Variants in EVC observed in about 807,000 individuals in gnomAD.
EVC encodes evC complex member EVC.
EVC carries 116 observed loss-of-function variants against 118.9 expected under a neutral mutation model. The ratio of observed to expected loss-of-function variants is 0.98; its 90% CI spans 0.84 to 1.14. The LOEUF (loss-of-function observed/expected upper bound fraction) is 1.14. Among genes scored for constraint, EVC ranks in the 50% most tolerant of loss-of-function variants. The pLI is 0.00. For synonymous variants in EVC, 619 were observed against 534.7 expected (o/e 1.16, Z -2.18); for missense variants, 1,401 against 1,246.4 (o/e 1.12, Z -1.87).
intron 7 of EVC, among the ~76,000 whole-genome samples, chr4:5,745,853 ATGGCCC>A (rs1729288866): frequency 6.6e-6 from 1 of 152,190 alleles, no homozygotes; most frequent in Non-Finnish European, 1.5e-5. Context: ...TCATTTAGAC[ATGGCCC>A]TGCCTGAGAG....
chr4:5,788,030 C>T (rs1043635947), intron 12 of EVC, among the ~76,000 whole-genome samples: 26 of 152,134 alleles, frequency 1.7e-4, no homozygotes, highest in Admixed American at 4.6e-4. Context: ...TTTGCTGGCC[C>T]CTTCCCAGCT....
At position 5,719,297 on chromosome 4, in the gene EVC, C is replaced by T. The variant is rs763507888; in HGVS notation, c.224C>T (p.Thr75Ile). Reference protein sequence around the residue: ...LLKNLESNAQTPSETGSPSRR... With the variant: ...LLKNLESNAQIPSETGSPSRR... ...AAGAATTTGGAGTCTAATGCGCAGA[C>T]CCCCTCGGAAACTGGCTCCCCATCA... Residue 75 changes from threonine to isoleucine, a missense_variant, in exon 2 of 21, where the codon ACC becomes ATC. Thr to Ile is a moderately conservative substitution (Grantham distance 89). Coordinates refer to ENST00000264956, the MANE Select transcript of EVC (RefSeq NM_153717.3). This position sits in a 1 kb window ranked among gnomAD's most constrained non-coding sequence, Gnocchi z 4.7. 6.2e-7 allele frequency: 1 copy of T among 1,614,184 alleles called. No homozygotes were observed. Among genetic ancestry groups the T allele is most frequent in the Non-Finnish European group, 8.5e-7 (1 of 1,180,026 alleles).
At position 5,798,211 on chromosome 4, in the gene EVC, C is replaced by T. The variant is rs1577621764; in HGVS notation, c.2098-375C>T. ...CCTGAGACTCACATCTGGCTTCAAA[C>T]CTGGCTCTGCTGTGTGACTTTAGAA... On this transcript the variant is annotated intron_variant, in intron 14 of 20. Coordinates refer to ENST00000264956, the MANE Select transcript of EVC (RefSeq NM_153717.3). The surrounding 1 kb of genome is among the most constrained non-coding windows in gnomAD (Gnocchi z 4.1). Among the ~76,000 whole-genome samples, 1 of 152,336 alleles carries T rather than the reference C, an allele frequency of 6.6e-6. No homozygotes were observed. The highest frequency in any genetic ancestry group is 1.9e-4 in the East Asian group (1 of 5,182).
chr4:5,814,742 A>C (rs983187205), downstream of EVC, among the ~76,000 whole-genome samples: 1 of 150,512 alleles, frequency 6.6e-6, no homozygotes, highest in African/African-American at 2.4e-5. Context: ...CATGATGTGC[A>C]TTCTTTCTGG....
chr4:5,801,937 T>C lies in EVC; in HGVS notation c.2305-13T>C, dbSNP rs772230279. Reference sequence around the variant, plus strand: ...ACTTCTCTGCTGTCCCTGTCCTTCCTTTCTTCCCTCAGAGGACACTGATGG... The same window carrying C: ...ACTTCTCTGCTGTCCCTGTCCTTCCCTTCTTCCCTCAGAGGACACTGATGG... On this transcript the variant is annotated splice_polypyrimidine_tract_variant and intron_variant, in intron 15 of 20. Coordinates refer to ENST00000264956, the MANE Select transcript of EVC (RefSeq NM_153717.3). 16 of 1,612,454 alleles carry C rather than the reference T, an allele frequency of 9.9e-6. No homozygotes were observed. The East Asian group carries it at 2.9e-4, about 29-fold the overall frequency.
At position 5,749,957 on chromosome 4, in the gene EVC, C is replaced by T. The variant is rs570399814; in HGVS notation, c.1098+1651C>T. Among the ~76,000 whole-genome samples, 51 of 152,312 alleles carry T rather than the reference C, an allele frequency of 3.3e-4. No individual in the cohort carries two copies. The highest frequency in any genetic ancestry group is 5.9e-4 in the Admixed American group (9 of 15,300). ...AGAGTGCAGAATCCTGTCCTCCACC[C>T]TTCCCAAGCAGGATCTGCACTTTAA... On this transcript the variant is annotated intron_variant, in intron 8 of 20. Coordinates refer to ENST00000264956, the MANE Select transcript of EVC (RefSeq NM_153717.3). The surrounding 1 kb of genome is among the most constrained non-coding windows in gnomAD (Gnocchi z 4.4).
chr4:5,719,364 A>C lies in EVC; in HGVS notation c.291A>C (p.Glu97Asp). Residue 97 changes from glutamate (E) to aspartate (D), a missense_variant, in exon 2 of 21, where the codon GAA (glutamate) becomes GAC (aspartate). Physicochemically the swap from Glu to Asp is conservative, Grantham distance 45. Coordinates refer to ENST00000264956, the MANE Select transcript of EVC (RefSeq NM_153717.3). This position sits in a 1 kb window ranked among gnomAD's most constrained non-coding sequence, Gnocchi z 4.7. ...KREVQMSKDK[E>D]AVDECEPPSN... ...AAGTGCAGATGTCGAAGGACAAGGA[A>C]GCTGTTGATGTAAGCTTGGTGTTGA... 1 of 1,614,176 alleles carries C rather than the reference A, an allele frequency of 6.2e-7. No individual in the cohort carries two copies.
At chr4:5,766,372 A>G (rs1189624773) in intron 11 of EVC, among the ~76,000 whole-genome samples, 1 of 136,420 alleles carries the variant, frequency 7.3e-6, no homozygotes, top group Non-Finnish European at 1.6e-5. Context: ...GAATCTGACA[A>G]TTATGTGTCT....
At chr4:5,747,964 A>G (rs1198852951) in intron 7 of EVC, 184 bp from the exon 8 acceptor site, 1 of 686,870 alleles carries the variant, frequency 1.5e-6, no homozygotes. Context: ...GAACCAGACA[A>G]TGGAACCAGA....
chr4:5,782,268 T>C (rs1735708122), intron 11 of EVC, among the ~76,000 whole-genome samples: 1 of 151,580 alleles, frequency 6.6e-6, no homozygotes, highest in Non-Finnish European at 1.5e-5. Flanking sequence ...AGAGACAGGG[T>C]TTCACCGTGT....
intron 5 of EVC, among the ~76,000 whole-genome samples, chr4:5,735,521 G>T (rs1273358876): frequency 1.3e-5 from 2 of 152,202 alleles, no homozygotes; most frequent in African/African-American, 4.8e-5. Context: ...AGGGTTCTGT[G>T]GGTAGAACTC....
intron 5 of EVC, among the ~76,000 whole-genome samples, chr4:5,735,867 C>T (rs1727585465): frequency 6.6e-6 from 1 of 152,194 alleles, no homozygotes. Context: ...CAGCAGGGTC[C>T]TTCCTGCTCT....
Position 5,748,276 on chromosome 4 carries a change from A to G in EVC, c.1068A>G (p.Leu356=), listed in dbSNP as rs33929747. ...AAAGAATGATTGCAGCCGAAGGGCT[A>G]TTGTGCGATTCTCAGGAGCTGCAGG... is the stretch of plus-strand genomic sequence containing the variant. ...LTERMIAAEG[L]LCDSQELQAL... The change falls in exon 8 of 21, where the codon CTA becomes CTG. Residue 356 remains leucine (L), a synonymous_variant. Transcript: ENST00000264956. 507,083 of 1,613,844 alleles carry G rather than the reference A, an allele frequency of 0.31. 83,732 individuals carry two copies. The highest frequency in any genetic ancestry group is 0.34 in the Non-Finnish European group (401,182 of 1,179,868).
rs1013870249 is a variant in EVC, at chr4:5,749,872, C to T, written c.1098+1566C>T. ...TGCACACCACATGCCTCTCCCAATC[C>T]GCTCTGCTCCTCCAGGTGTGATCCA... On this transcript the variant is annotated intron_variant, in intron 8 of 20. Transcript: ENST00000264956. The surrounding 1 kb of genome is among the most constrained non-coding windows in gnomAD (Gnocchi z 4.4). Among the ~76,000 whole-genome samples, 3 of 152,186 alleles carry T rather than the reference C, an allele frequency of 2.0e-5. No individual in the cohort carries two copies. Among genetic ancestry groups the T allele is most frequent in the South Asian group, 2.1e-4 (1 of 4,830 alleles).
At chr4:5,747,638 GAT>G (rs1455636579) in intron 7 of EVC, among the ~76,000 whole-genome samples, 1 of 152,156 alleles carries the variant, frequency 6.6e-6, no homozygotes, top group Non-Finnish European at 1.5e-5. Flanking sequence ...CTCTGCTCCT[GAT>G]AAAATGAGGG....
intron 11 of EVC, among the ~76,000 whole-genome samples, chr4:5,768,873 T>C (rs933294796): frequency 1.3e-5 from 2 of 151,804 alleles, no homozygotes; most frequent in East Asian, 1.9e-4. Flanking sequence ...AAAAGAAATA[T>C]TCTCATTCAT....
At chr4:5,721,459 T>A (rs1724945034) in intron 2 of EVC, among the ~76,000 whole-genome samples, 1 of 152,096 alleles carries the variant, frequency 6.6e-6, no homozygotes, top group African/African-American at 2.4e-5. Context: ...ATAGGAAGAT[T>A]TATACAGACA....
chr4:5,815,965 T>C (rs1165331922), downstream of EVC, among the ~76,000 whole-genome samples: 1 of 151,422 alleles, frequency 6.6e-6, no homozygotes, highest in Non-Finnish European at 1.5e-5. Context: ...CCTCCTGTGG[T>C]GTATGGATTG....
At chr4:5,774,645 T>C (rs1313698856) in intron 11 of EVC, among the ~76,000 whole-genome samples, 1 of 152,008 alleles carries the variant, frequency 6.6e-6, no homozygotes, top group African/African-American at 2.4e-5. Flanking sequence ...AGGAGACAGC[T>C]GAGTGAAGGA....
Sources: allele counts gnomAD v4.1 joint callset (sites outside exome capture counted in the v4.1 genomes callset), GRCh38; gene constraint gnomAD v4.1.1; non-coding constraint Gnocchi (gnomAD v3.1); transcripts MANE v1.5; gene names NCBI Gene and HGNC (gene_info 2026-07-23, HGNC 2026-07-21).